USH2A: variants seen among roughly 807,000 people sequenced by gnomAD.
The protein encoded by USH2A is usherin.
USH2A carries 443 observed loss-of-function variants against 538.9 expected under a neutral mutation model. That is an observed-to-expected ratio of 0.82 (90% CI 0.76 to 0.89). The LOEUF is 0.89. USH2A is among the 40% of genes least tolerant of loss of function. USH2A has a pLI of 0.00. For synonymous variants in USH2A, 2,413 were observed against 2,273.5 expected (o/e 1.06, Z -1.75); for missense variants, 6,633 against 6,324.8 (o/e 1.05, Z -1.65).
chr1:215,799,003 C>A lies in USH2A; in HGVS notation c.9862G>T (p.Asp3288Tyr), dbSNP rs1334903455. 1 of 1,614,110 alleles carries A rather than the reference C, an allele frequency of 6.2e-7. No homozygotes were observed. Among genetic ancestry groups the A allele is most frequent in the Non-Finnish European group, 8.5e-7 (1 of 1,180,004 alleles). The change falls in exon 50 of 72, where the codon GAT (aspartate) becomes TAT (tyrosine). Residue 3288 changes from aspartate to tyrosine, a missense_variant. Physicochemically the swap from Asp to Tyr is radical, Grantham distance 160. Transcript: ENST00000307340. Reference protein sequence around the residue: ...NQICCAGRLHDGHGQKCCGRQ... With the variant: ...NQICCAGRLHYGHGQKCCGRQ... Reference sequence around the variant, plus strand: ...CCACAGCACTTCTGGCCATGGCCATCATGAAGCCTCCCAGCACAGCAAATC... The same window carrying A: ...CCACAGCACTTCTGGCCATGGCCATAATGAAGCCTCCCAGCACAGCAAATC...
At chr1:216,235,728 G>T (rs558420966) in intron 13 of USH2A, among the ~76,000 whole-genome samples, 27 of 152,290 alleles carry the variant, frequency 1.8e-4, no homozygotes, top group African/African-American at 6.0e-4. Context: ...GCTTTGCCAA[G>T]GTCTTGAGAG....
chr1:215,795,279 T>A (rs562969715), intron 50 of USH2A, among the ~76,000 whole-genome samples: 1 of 152,196 alleles, frequency 6.6e-6, no homozygotes, highest in Non-Finnish European at 1.5e-5. Flanking sequence ...AAAATCATAC[T>A]CACTGTTTGA....
At chr1:215,870,033 T>C (rs1664581658) in intron 43 of USH2A, among the ~76,000 whole-genome samples, 1 of 152,184 alleles carries the variant, frequency 6.6e-6, no homozygotes, top group Non-Finnish European at 1.5e-5. Context: ...AAGTGTGTGC[T>C]ACATCATACA....
At chr1:216,047,420 C>A (rs112413629) in intron 31 of USH2A, among the ~76,000 whole-genome samples, 5 of 152,044 alleles carry the variant, frequency 3.3e-5, no homozygotes, top group Non-Finnish European at 5.9e-5. Context: ...TCAGCAGATG[C>A]AATGATACAA....
Position 215,754,275 on chromosome 1 carries a change from T to C in USH2A, c.11389+4320A>G, listed in dbSNP as rs567252219. 5.5e-4 allele frequency among the ~76,000 whole-genome samples: 84 copies of C among 152,318 alleles called. 1 individual carries two copies. Among genetic ancestry groups the C allele is most frequent in the Admixed American group, 1.2e-3 (18 of 15,300 alleles). On this transcript the variant is annotated intron_variant, in intron 58 of 71. Coordinates refer to ENST00000307340, the MANE Select transcript of USH2A (RefSeq NM_206933.4). ...GTATGTACACGACATTTGTTATCAGTATCACGGGTACTCTTCCCCTGGGTA... is the reference window on the plus strand; with the variant it reads ...GTATGTACACGACATTTGTTATCAGCATCACGGGTACTCTTCCCCTGGGTA...
chr1:215,665,279 G>T (rs535539663), intron 64 of USH2A, among the ~76,000 whole-genome samples: 1 of 152,192 alleles, frequency 6.6e-6, no homozygotes, highest in Admixed American at 6.5e-5. Context: ...CTAGCCCTAA[G>T]TTCAGACCCC....
intron 44 of USH2A, 106 bp from the exon 45 acceptor site, chr1:215,846,139 A>G: frequency 9.0e-7 from 1 of 1,111,412 alleles, no homozygotes; most frequent in Non-Finnish European, 1.3e-6. Context: ...AAGTTTAGAG[A>G]GCCTTTGTTT....
intron 37 of USH2A, among the ~76,000 whole-genome samples, chr1:215,947,922 G>T (rs542031606): frequency 6.6e-6 from 1 of 152,028 alleles, no homozygotes; most frequent in Admixed American, 6.6e-5. Context: ...CATTAAATAG[G>T]AAACAGGTAC....
intron 38 of USH2A, among the ~76,000 whole-genome samples, chr1:215,903,563 A>T (rs1367471670): frequency 6.6e-6 from 1 of 152,110 alleles, no homozygotes; most frequent in Non-Finnish European, 1.5e-5. Context: ...GAGGTGAGCC[A>T]GTGCACATTT....
At chr1:215,704,164 T>A (rs955335738) in intron 61 of USH2A, among the ~76,000 whole-genome samples, 1 of 152,190 alleles carries the variant, frequency 6.6e-6, no homozygotes, top group Non-Finnish European at 1.5e-5. Context: ...CCAGTCCCAG[T>A]GGGATGAACC....
intron 38 of USH2A, among the ~76,000 whole-genome samples, chr1:215,924,612 T>G (rs1558164228): frequency 6.6e-6 from 1 of 152,088 alleles, no homozygotes; most frequent in Non-Finnish European, 1.5e-5. Flanking sequence ...ACATGATTTT[T>G]TTTTTTAAGC....
chr1:216,147,527 C>G (rs1353086733), intron 21 of USH2A, among the ~76,000 whole-genome samples: 1 of 152,134 alleles, frequency 6.6e-6, no homozygotes, highest in Non-Finnish European at 1.5e-5. Context: ...AGACACTTTA[C>G]AGCCCTAGAC....
intron 30 of USH2A, among the ~76,000 whole-genome samples, chr1:216,063,019 T>G (rs2031234212): frequency 6.6e-6 from 1 of 152,230 alleles, no homozygotes; most frequent in Non-Finnish European, 1.5e-5. Context: ...CAGAATTATT[T>G]TATTTAAATA....
At chr1:215,932,160 A>G (rs1342113943) in intron 38 of USH2A, among the ~76,000 whole-genome samples, 1 of 152,050 alleles carries the variant, frequency 6.6e-6, no homozygotes, top group Non-Finnish European at 1.5e-5. Context: ...CAACATCACC[A>G]TAAGAGAGAT....
At chr1:216,145,141 C>T (rs1571996901) in intron 21 of USH2A, among the ~76,000 whole-genome samples, 2 of 152,200 alleles carry the variant, frequency 1.3e-5, no homozygotes, top group Admixed American at 6.5e-5. Context: ...CAATACACCT[C>T]TCTCTGTCTC....
chr1:215,707,475 T>C (rs1659213992), intron 61 of USH2A, among the ~76,000 whole-genome samples: 1 of 152,198 alleles, frequency 6.6e-6, no homozygotes, highest in South Asian at 2.1e-4. Flanking sequence ...CTCTGTGAAG[T>C]ACCTGGCACA....
chr1:215,640,811 AAT>A, intron 67 of USH2A, 77 bp from the exon 68 acceptor site: 2 of 1,444,012 alleles, frequency 1.4e-6, no homozygotes, highest in South Asian at 1.2e-5. Context: ...AAAAAAAAAA[AAT>A]ATGAGCAAAA....
At chr1:215,788,971 G>A (rs1449552474) in intron 51 of USH2A, among the ~76,000 whole-genome samples, 1 of 148,788 alleles carries the variant, frequency 6.7e-6, no homozygotes, top group Non-Finnish European at 1.5e-5. Context: ...ATCAACACAG[G>A]AAAGAGGTAA....
intron 4 of USH2A, among the ~76,000 whole-genome samples, chr1:216,336,995 A>G (rs2037987289): frequency 6.6e-6 from 1 of 151,518 alleles, no homozygotes; most frequent in Admixed American, 6.6e-5. Context: ...GTAGAAGTTG[A>G]AAGAGCTGAA....
Sources: allele counts gnomAD v4.1 joint callset (sites outside exome capture counted in the v4.1 genomes callset), GRCh38; gene constraint gnomAD v4.1.1; transcripts MANE v1.5; gene names NCBI Gene and HGNC (gene_info 2026-07-23, HGNC 2026-07-21).